The following MEGF6 variants were observed in gnomAD, a reference collection of about 807,000 sequenced individuals.
The protein encoded by MEGF6 is multiple EGF like domains 6, also known as multiple epidermal growth factor-like domains protein 6.
Under a neutral mutation model 207.1 loss-of-function variants are expected in MEGF6, and 184 were observed. The ratio of observed to expected loss-of-function variants is 0.89; its 90% confidence interval spans 0.79 to 1.00. MEGF6 has a LOEUF of 1.00. MEGF6 is among the 50% of genes least tolerant of loss of function. The probability of loss-of-function intolerance (pLI) is 0.00; values close to 1 mark genes in which losing one functional copy is unlikely to be tolerated. For synonymous variants in MEGF6, 1,038 were observed against 910.0 expected (o/e 1.14, Z -2.53); for missense variants, 2,282 against 2,202.9 (o/e 1.04, Z -0.72).
At position 3,490,176 on chromosome 1, in the gene MEGF6, G is replaced by A; in HGVS notation, c.*352C>T. 2.9e-6 allele frequency: 1 copy of A among 342,700 alleles called. No homozygotes were observed. Among genetic ancestry groups the A allele is most frequent in the Non-Finnish European group, 5.3e-6 (1 of 187,544 alleles). 21.2% of individuals were successfully genotyped at this position (342,700 alleles called of 1,614,324 possible). On this transcript the variant is annotated 3_prime_UTR_variant, in exon 37 of 37. Transcript: ENST00000356575. ...CCTGCCTGGAGGACAGTGGCCCTGT[G>A]CCTGCACCTGCGCCTGCACCCACAC...
rs1195335454 is a variant in MEGF6, at chr1:3,595,348, G to GC, written c.365dup (p.Cys123LeufsTer5). 2.5e-6 allele frequency: 4 copies of GC among 1,611,600 alleles called. No individual in the cohort carries two copies. Among genetic ancestry groups the GC allele is most frequent in the African/African-American group, 1.3e-5 (1 of 74,892 alleles). On this transcript the variant is annotated frameshift_variant, in exon 3 of 37. Coordinates refer to ENST00000356575, the MANE Select transcript of MEGF6 (RefSeq NM_001409.4). LOFTEE classifies it high-confidence loss of function. ...GCAGGCGGCACTCACCCGAGAGGCA[G>GC]CCCTCCTCGTCGGGCTGCTGCATCC...
intron 4 of MEGF6, among the ~76,000 whole-genome samples, chr1:3,542,700 C>A (rs550030016): frequency 1.3e-5 from 2 of 152,252 alleles, no homozygotes; most frequent in South Asian, 4.1e-4. Flanking sequence ...GCAGGACTTG[C>A]CGCATCTTAC....
upstream of MEGF6, among the ~76,000 whole-genome samples, chr1:3,613,027 G>T (rs1353433886): frequency 6.6e-6 from 1 of 152,186 alleles, no homozygotes; most frequent in East Asian, 1.9e-4. Context: ...CCTGTAATCT[G>T]CTGCTTATAA....
At chr1:3,598,728 C>T (rs77696155) in intron 2 of MEGF6, among the ~76,000 whole-genome samples, 4 of 139,138 alleles carry the variant, frequency 2.9e-5, no homozygotes, top group Admixed American at 7.1e-5. Flanking sequence ...CCCCCCCCCC[C>T]CCCGGGGCCC....
chr1:3,524,320 G>C (rs1641879936), intron 4 of MEGF6, 74 bp from the exon 5 acceptor site: 1 of 1,563,742 alleles, frequency 6.4e-7, no homozygotes, highest in Non-Finnish European at 8.7e-7. Flanking sequence ...CCCCCCAGGT[G>C]CCGGGGGCCC....
intron 1 of MEGF6, among the ~76,000 whole-genome samples, chr1:3,610,512 C>CCA (rs60239345): frequency 0.93 from 141,523 of 152,188 alleles, 66,002 homozygotes; most frequent in East Asian, 0.98. Context: ...CACTGCCGCA[C>CCA]GTTTTCCTTT....
chr1:3,535,222 A>G (rs1642289552), intron 4 of MEGF6, among the ~76,000 whole-genome samples: 1 of 152,154 alleles, frequency 6.6e-6, no homozygotes, highest in African/African-American at 2.4e-5. Context: ...GAGGGCAGCC[A>G]ACAGAGCAGG....
At chr1:3,602,738 C>A (rs1557427609) in intron 1 of MEGF6, 138 bp from the exon 2 acceptor site, 3 of 1,287,208 alleles carry the variant, frequency 2.3e-6, no homozygotes, top group Non-Finnish European at 3.1e-6. Flanking sequence ...CGGCACAGTG[C>A]CCATGCCAGT....
rs773166700 is a variant in MEGF6, at chr1:3,498,466, C to T, written c.3257G>A (p.Arg1086Gln). 1.0e-5 allele frequency: 16 copies of T among 1,583,140 alleles called. No individual in the cohort carries two copies. Among genetic ancestry groups the T allele is most frequent in the South Asian group, 3.4e-5 (3 of 87,960 alleles). The change falls in exon 26 of 37, where the codon CGG (arginine) becomes CAG (glutamine). Residue 1086 changes from arginine (R) to glutamine (Q), a missense_variant. Coordinates refer to ENST00000356575, the MANE Select transcript of MEGF6 (RefSeq NM_001409.4). Reference protein sequence around the residue: ...CLPRDVRAGCRHSGGCLNGGL... With the variant: ...CLPRDVRAGCQHSGGCLNGGL... ...CCCGTTGAGGCAACCGCCGCTGTGC[C>T]GGCAGCCAGCTCTGACGTCCCGGGG...
At chr1:3,527,305 G>A (rs1641999960) in intron 4 of MEGF6, among the ~76,000 whole-genome samples, 1 of 152,244 alleles carries the variant, frequency 6.6e-6, no homozygotes, top group South Asian at 2.1e-4. Flanking sequence ...CCACCAGGCT[G>A]TGCCTGCCAC....
intron 4 of MEGF6, among the ~76,000 whole-genome samples, chr1:3,542,591 G>A (rs1642565607): frequency 6.6e-6 from 1 of 152,208 alleles, no homozygotes; most frequent in Non-Finnish European, 1.5e-5. Context: ...GGCCACACGA[G>A]TGGGGCAGCT....
In MEGF6 at chr1:3,611,490, C is replaced by T; in HGVS notation, c.-222G>A. On this transcript the variant is annotated 5_prime_UTR_variant, in exon 1 of 37. Coordinates refer to ENST00000356575, the MANE Select transcript of MEGF6 (RefSeq NM_001409.4). ...CGGGTCCACCCTGCAGGAACTCGCC[C>T]CGGCGCGTTGAGCACAGTGCCCCGG... 1 of 531,022 alleles carries T rather than the reference C, an allele frequency of 1.9e-6. No homozygotes were observed. Among genetic ancestry groups the T allele is most frequent in the Non-Finnish European group, 3.0e-6 (1 of 335,656 alleles). 32.9% of individuals were successfully genotyped at this position (531,022 alleles called of 1,614,324 possible).
At chr1:3,511,399 C>G (rs564003441) in intron 9 of MEGF6, 151 bp downstream of exon 9, 15 of 1,008,636 alleles carry the variant, frequency 1.5e-5, no homozygotes, top group Non-Finnish European at 2.1e-5. Flanking sequence ...TCAGACCTGC[C>G]CTACCACCCC....
chr1:3,555,705 G>A (rs965768800), intron 4 of MEGF6, among the ~76,000 whole-genome samples: 21 of 152,168 alleles, frequency 1.4e-4, no homozygotes, highest in African/African-American at 5.1e-4. Flanking sequence ...CTGCCCCGCA[G>A]GGCTGCCAGG....
intron 2 of MEGF6, among the ~76,000 whole-genome samples, chr1:3,595,855 G>C (rs920198872): frequency 1.1e-4 from 17 of 152,186 alleles, no homozygotes; most frequent in Non-Finnish European, 1.8e-4. Flanking sequence ...CAGCCCTGGA[G>C]CCAGAATGGC....
intron 1 of MEGF6, among the ~76,000 whole-genome samples, chr1:3,609,463 G>C (rs1294824237): frequency 6.6e-6 from 1 of 152,230 alleles, no homozygotes; most frequent in Non-Finnish European, 1.5e-5. Flanking sequence ...CTCGCTGGTG[G>C]ACGATCTGTG....
At chr1:3,522,080 G>A (rs1641772157) in intron 5 of MEGF6, among the ~76,000 whole-genome samples, 1 of 152,224 alleles carries the variant, frequency 6.6e-6, no homozygotes, top group Non-Finnish European at 1.5e-5. Context: ...AGCATCTTCT[G>A]TGGCGAAACA....
At chr1:3,557,498 G>A (rs1201189611) in intron 4 of MEGF6, among the ~76,000 whole-genome samples, 4 of 152,202 alleles carry the variant, frequency 2.6e-5, no homozygotes, top group Non-Finnish European at 5.9e-5. Context: ...CAGGCTACGT[G>A]CCCACCTCGC....
At chr1:3,570,327 A>C (rs1283317973) in intron 4 of MEGF6, among the ~76,000 whole-genome samples, 1 of 152,096 alleles carries the variant, frequency 6.6e-6, no homozygotes, top group Non-Finnish European at 1.5e-5. Context: ...CACTGCAGGC[A>C]GAAGGGGCCG....
Sources: allele counts gnomAD v4.1 joint callset (sites outside exome capture counted in the v4.1 genomes callset), GRCh38; gene constraint gnomAD v4.1.1; transcripts MANE v1.5; gene names NCBI Gene and HGNC (gene_info 2026-07-23, HGNC 2026-07-21).